The following USP11 variants were observed in gnomAD, a reference collection of about 807,000 sequenced individuals.
The protein encoded by USP11 is ubiquitin carboxyl-terminal hydrolase 11.
A neutral mutation model predicts 72.8 loss-of-function variants in USP11; 5 were observed. The ratio of observed to expected loss-of-function variants is 0.07; its 90% CI spans 0.04 to 0.14. The LOEUF (loss-of-function observed/expected upper bound fraction) is 0.14. Among genes scored for constraint, USP11 ranks in the 10% least tolerant of loss-of-function variants. The pLI, the probability that USP11 is intolerant of heterozygous loss-of-function variation, is 1.00. For missense variants in USP11, 480 were observed against 794.7 expected, an observed-to-expected ratio of 0.60 and a Z score of 4.76; for synonymous variants, 368 against 326.5, an observed-to-expected ratio of 1.13 and a Z score of -1.37.
Position 47,242,634 on chromosome X carries a change from G to A in USP11, c.1497G>A (p.Val499=), listed in dbSNP as rs758691838. 5 of 1,210,647 alleles carry A rather than the reference G, an allele frequency of 4.1e-6. No individual in the cohort carries two copies. The highest frequency in any genetic ancestry group is 1.7e-5 in the African/African-American group (1 of 57,816). Residue 499 remains valine, a synonymous_variant, in exon 12 of 21, where the codon GTG becomes GTA. Coordinates refer to ENST00000377107, the MANE Select transcript of USP11 (RefSeq NM_001371072.1). ...HTGISPERMM[V]ADVFSHRFYK... ...CCATATCCCATTCCTAGATGATGGT[G>A]GCTGATGTCTTCAGTCACCGCTTCT... is the stretch of plus-strand genomic sequence containing the variant.
intron 20 of USP11, 25 bp downstream of exon 20, chrX:47,247,724 C>T (rs1301952434): frequency 1.7e-6 from 2 of 1,207,384 alleles, no homozygotes; most frequent in African/African-American, 1.8e-5. Flanking sequence ...CTACCTCCTC[C>T]CCTTCTTCCT....
rs2055438727 is a variant in USP11 at position 47,247,154 on chromosome X, C to T, written c.2353C>T (p.Leu785=). 2 of 1,209,699 alleles carry T rather than the reference C, an allele frequency of 1.7e-6. No homozygotes were observed. The highest frequency in any genetic ancestry group is 2.2e-6 in the Non-Finnish European group (2 of 895,171). ...GCTGCCGGAGATTCTCATCATCCAC[C>T]TGAAACGCTTTTCCTACACCAAGTT... ...WMLPEILIIH[L]KRFSYTKFSR... is the part of the protein sequence containing the mutation. Residue 785 remains leucine (L), a synonymous_variant, in exon 18 of 21, where the codon CTG becomes TTG. Coordinates refer to ENST00000377107, the MANE Select transcript of USP11 (RefSeq NM_001371072.1).
At chrX:47,237,658 G>A (rs748555852) in intron 1 of USP11, among the ~76,000 whole-genome samples, 1 of 111,361 alleles carries the variant, frequency 9.0e-6, no homozygotes, top group Non-Finnish European at 1.9e-5. Context: ...TTGAAAACCA[G>A]CCAATATAAT....
intron 1 of USP11, 186 bp downstream of exon 1, chrX:47,233,405 G>C (rs1196388795): frequency 5.6e-6 from 6 of 1,078,030 alleles, no homozygotes; most frequent in Non-Finnish European, 7.2e-6. Flanking sequence ...GTCTGGAAAA[G>C]GGGCGGGGCC....
rs1008399230 is a variant in USP11 at position 47,242,027 on chromosome X, A to G, written c.1180-55A>G. ...ACCCCATTTGAATGCACCCCAAGCC[A>G]TGGTTTCCTCTTACCCTGGGCAAGC... On this transcript the variant is annotated intron_variant, in intron 9 of 20. Coordinates refer to ENST00000377107, the MANE Select transcript of USP11 (RefSeq NM_001371072.1). The G allele has an allele frequency of 2.2e-5, 26 of 1,156,117 alleles. No homozygotes were observed. The East Asian group carries it at 6.0e-4, about 26-fold the overall frequency.
chrX:47,239,566 C>A, intron 3 of USP11, 85 bp downstream of exon 3: 1 of 1,151,608 alleles, frequency 8.7e-7, no homozygotes, highest in Non-Finnish European at 1.2e-6. Flanking sequence ...TCCATGTATG[C>A]TGGGTAGGTA....
intron 13 of USP11, among the ~76,000 whole-genome samples, chrX:47,244,267 C>T (rs751043116): frequency 9.1e-6 from 1 of 109,765 alleles, no homozygotes; most frequent in South Asian, 4.0e-4. Context: ...CCCAGCTAAT[C>T]ACACTCCACA....
intron 20 of USP11, 36 bp from the exon 21 acceptor site, chrX:47,247,757 C>T (rs758092753): frequency 9.3e-5 from 112 of 1,206,397 alleles, no homozygotes; most frequent in Non-Finnish European, 1.1e-4. Flanking sequence ...CTCCCCACCC[C>T]CACAATCCAC....
At chrX:47,234,080 G>A (rs1418465925) in intron 1 of USP11, among the ~76,000 whole-genome samples, 1 of 111,857 alleles carries the variant, frequency 8.9e-6, no homozygotes, top group Non-Finnish European at 1.9e-5. Flanking sequence ...TACTGCTTCT[G>A]AGTTCATTTT....
chrX:47,239,740 C>T (rs774518857), intron 3 of USP11, 50 bp from the exon 4 acceptor site: 16 of 1,141,111 alleles, frequency 1.4e-5, no homozygotes, highest in Non-Finnish European at 1.8e-5. Flanking sequence ...GAGGTCACAG[C>T]GCTGTGTCTG....
chrX:47,242,243 C>T lies in USP11; in HGVS notation c.1341C>T (p.Ile447=). The T allele has an allele frequency of 8.2e-7, 1 of 1,212,252 alleles. No individual in the cohort carries two copies. Among genetic ancestry groups the T allele is most frequent in the Non-Finnish European group, 1.1e-6 (1 of 895,612 alleles). The change falls in exon 10 of 21, where the codon ATC becomes ATT. Residue 447 remains isoleucine (I), a synonymous_variant. Coordinates refer to ENST00000377107, the MANE Select transcript of USP11 (RefSeq NM_001371072.1). ...GCTACCTCAGTGTTCCACTGCCTAT[C>T]AGCCACAAGAGGGTCTTGGAGGTCT... ...PFCYLSVPLP[I]SHKRVLEVFF...
In USP11 at chrX:47,243,500, C is replaced by T; in HGVS notation, c.1688C>T (p.Ser563Phe). The T allele has an allele frequency of 8.3e-7, 1 of 1,211,677 alleles. No homozygotes were observed. The highest frequency in any genetic ancestry group is 1.1e-6 in the Non-Finnish European group (1 of 895,457). ...ACCCCTGCCCGTGACTACAACAACTCCTACTACGGCCTGATGCTTTTTGGA... is the reference window on the plus strand; with the variant it reads ...ACCCCTGCCCGTGACTACAACAACTTCTACTACGGCCTGATGCTTTTTGGA... ...ERTPARDYNN[S>F]YYGLMLFGHP... The change falls in exon 13 of 21, where the codon TCC (serine) becomes TTC (phenylalanine). Residue 563 changes from serine to phenylalanine, a missense_variant. Around this residue, in one of 5 missense-constraint regions of USP11, gnomAD observed 314 missense variants for 556.0 expected, o/e 0.56. Transcript: ENST00000377107.
chrX:47,234,212 C>T (rs2055361016), intron 1 of USP11, among the ~76,000 whole-genome samples: 1 of 111,545 alleles, frequency 9.0e-6, no homozygotes, highest in African/African-American at 3.3e-5. Context: ...GGCCTACACT[C>T]TTCAAAAATG....
At chrX:47,240,979 G>A (rs2055399558) in intron 7 of USP11, 103 bp downstream of exon 7, 4 of 855,753 alleles carry the variant, frequency 4.7e-6, no homozygotes, top group East Asian at 3.4e-5. Context: ...AGGGCAAGGG[G>A]TCAGGATGAA....
At chrX:47,247,266 A>G in intron 18 of USP11, 38 bp from the exon 19 acceptor site, 1 of 1,211,025 alleles carries the variant, frequency 8.3e-7, no homozygotes, top group Non-Finnish European at 1.1e-6. Context: ...CAGGGAAAGG[A>G]GGGGGTGTAC....
At chrX:47,234,677 A>G (rs764136127) in intron 1 of USP11, among the ~76,000 whole-genome samples, 1 of 112,161 alleles carries the variant, frequency 8.9e-6, no homozygotes, top group Non-Finnish European at 1.9e-5. Flanking sequence ...GTTCAGATCT[A>G]TTGTACAACT....
Position 47,233,177 on chromosome X carries a change from G to C in USP11, c.134G>C (p.Gly45Ala). ...LDSQWRQIEN[G>A]ESGRERPLRA... is the part of the protein sequence containing the mutation. ...AGCCAGTGGCGCCAGATAGAAAACGGCGAGAGTGGGCGAGAACGTCCACTG... is the reference window on the plus strand; with the variant it reads ...AGCCAGTGGCGCCAGATAGAAAACGCCGAGAGTGGGCGAGAACGTCCACTG... Residue 45 changes from glycine to alanine, a missense_variant, in exon 1 of 21, where the codon GGC becomes GCC. Physicochemically the swap from Gly to Ala is moderately conservative, Grantham distance 60. This residue lies in a region of USP11 where 71 missense variants were observed against 71.4 expected (regional missense o/e 0.99). Coordinates refer to ENST00000377107, the MANE Select transcript of USP11 (RefSeq NM_001371072.1). 3 of 1,184,321 alleles carry C rather than the reference G, an allele frequency of 2.5e-6. No homozygotes were observed. The highest frequency in any genetic ancestry group is 3.4e-6 in the Non-Finnish European group (3 of 880,640).
intron 1 of USP11, among the ~76,000 whole-genome samples, chrX:47,237,767 G>A (rs1012809387): frequency 9.6e-6 from 1 of 104,063 alleles, no homozygotes; most frequent in Non-Finnish European, 2.0e-5. Flanking sequence ...AAATGCCACA[G>A]CAGAACAGGT....
chrX:47,238,487 C>CTTTTTTTTTTTTTTT (rs57112058), intron 1 of USP11, among the ~76,000 whole-genome samples: 1 of 44,315 alleles, frequency 2.3e-5, no homozygotes, highest in African/African-American at 1.1e-4. Flanking sequence ...TGTGCCCGGT[C>CTTTTTTTTTTTTTTT]TTTTTTTTTT....
Sources: gnomAD v4.1 joint callset for allele counts (sites outside exome capture counted in the v4.1 genomes callset) on GRCh38, gnomAD v4.1.1 for gene constraint, gnomAD v4.1.1 regional missense constraint, MANE v1.5 for transcripts, NCBI Gene and HGNC (gene_info 2026-07-23, HGNC 2026-07-21) for gene names.